Variants in RAI14 observed in about 807,000 individuals in gnomAD.
RAI14 encodes retinoic acid induced 14, also known as ankycorbin.
Under a neutral mutation model 115.4 loss-of-function variants are expected in RAI14, and 45 were observed. That is an observed-to-expected ratio of 0.39 (90% confidence interval 0.31 to 0.50). The LOEUF (loss-of-function observed/expected upper bound fraction) is 0.50, where lower values mean the gene tolerates loss of function less well. Among genes scored for constraint, RAI14 ranks in the 20% least tolerant of loss-of-function variants. The pLI is 0.85. For synonymous variants in RAI14, 371 were observed against 415.4 expected, an observed-to-expected ratio of 0.89 and a Z score of 1.30; for missense variants, 939 against 1,131.2, an observed-to-expected ratio of 0.83 and a Z score of 2.44.
At chr5:34,745,854 A>G (rs1287760998) in intron 2 of RAI14, among the ~76,000 whole-genome samples, 3 of 152,056 alleles carry the variant, frequency 2.0e-5, no homozygotes, top group African/African-American at 7.2e-5. Flanking sequence ...TTGGCCCACC[A>G]CTGACCGGGC....
intron 4 of RAI14, among the ~76,000 whole-genome samples, chr5:34,798,279 T>A (rs1441342880): frequency 2.0e-5 from 3 of 151,874 alleles, no homozygotes; most frequent in Non-Finnish European, 4.4e-5. Flanking sequence ...CCTCAGGTGA[T>A]CCACCCGCCT....
At chr5:34,757,171 C>A in intron 2 of RAI14, 1 of 450,940 alleles carries the variant, frequency 2.2e-6, no homozygotes, top group Non-Finnish European at 4.4e-6. Flanking sequence ...TGTAAACTGG[C>A]CTTGAGGTCT....
chr5:34,746,095 C>CA (rs374767705), intron 2 of RAI14, among the ~76,000 whole-genome samples: 9 of 133,716 alleles, frequency 6.7e-5, no homozygotes, highest in East Asian at 4.2e-4. Context: ...ACCCCCTCCC[C>CA]CCCCCGCCTT....
intron 2 of RAI14, among the ~76,000 whole-genome samples, chr5:34,719,995 A>T (rs183397223): frequency 1.3e-5 from 2 of 151,946 alleles, no homozygotes; most frequent in Admixed American, 6.6e-5. Context: ...CCTAAGATTT[A>T]AAAAAAAATT....
intron 3 of RAI14, among the ~76,000 whole-genome samples, chr5:34,762,929 ATGTGTGTGTGTGTGTGTGTGTG>A (rs34495404): frequency 1.9e-4 from 24 of 129,154 alleles, no homozygotes; most frequent in African/African-American, 6.3e-4. Flanking sequence ...GAGTGTGTGC[ATGTGTGTGTGTGTGTGTGTGTG>A]TGTGTGTGTG....
intron 2 of RAI14, among the ~76,000 whole-genome samples, chr5:34,734,281 C>T (rs1281034808): frequency 1.3e-5 from 2 of 152,210 alleles, no homozygotes; most frequent in African/African-American, 4.8e-5. Context: ...ACGAGCACTG[C>T]TCTTCCCTTG....
intron 2 of RAI14, among the ~76,000 whole-genome samples, chr5:34,707,150 C>T (rs1349769804): frequency 1.3e-5 from 2 of 152,140 alleles, no homozygotes; most frequent in Non-Finnish European, 2.9e-5. Context: ...AGTTAGCCTC[C>T]CTGGGTTTCC....
At chr5:34,746,894 G>A (rs1580115621) in intron 2 of RAI14, among the ~76,000 whole-genome samples, 1 of 152,146 alleles carries the variant, frequency 6.6e-6, no homozygotes, top group Non-Finnish European at 1.5e-5. Context: ...GGTCTTTCCT[G>A]TGCTATTCTC....
chr5:34,816,598 A>G (rs1756247014), intron 12 of RAI14, among the ~76,000 whole-genome samples: 1 of 152,166 alleles, frequency 6.6e-6, no homozygotes, highest in Non-Finnish European at 1.5e-5. Flanking sequence ...AAAATTTATA[A>G]TTGTTAACAT....
chr5:34,826,683 CG>C (rs1757486735), intron 16 of RAI14, among the ~76,000 whole-genome samples: 1 of 152,182 alleles, frequency 6.6e-6, no homozygotes, highest in South Asian at 2.1e-4. Context: ...AGCAATGCAA[CG>C]GGTCAGATAT....
At chr5:34,768,979 A>AC (rs1218390106) in intron 3 of RAI14, among the ~76,000 whole-genome samples, 1 of 150,304 alleles carries the variant, frequency 6.7e-6, no homozygotes, top group Non-Finnish European at 1.5e-5. Context: ...ACAGAGTGAG[A>AC]CCCAGTCTCA....
At chr5:34,765,864 G>A (rs1580181662) in intron 3 of RAI14, among the ~76,000 whole-genome samples, 2 of 152,202 alleles carry the variant, frequency 1.3e-5, no homozygotes, top group African/African-American at 2.4e-5. Flanking sequence ...TTCATGGGCT[G>A]GGCCCATGGT....
intron 2 of RAI14, among the ~76,000 whole-genome samples, chr5:34,712,227 A>G (rs1741484899): frequency 1.3e-5 from 2 of 152,242 alleles, no homozygotes. Flanking sequence ...CGTTTAAGTT[A>G]TAAACATCAC....
intron 2 of RAI14, among the ~76,000 whole-genome samples, chr5:34,725,516 A>T (rs1743333512): frequency 6.6e-6 from 1 of 151,954 alleles, no homozygotes; most frequent in African/African-American, 2.4e-5. Context: ...TGGTAGGCAA[A>T]TACCAGACAG....
chr5:34,701,976 C>A (rs1740131911), intron 2 of RAI14, among the ~76,000 whole-genome samples: 2 of 152,108 alleles, frequency 1.3e-5, no homozygotes, highest in Admixed American at 1.3e-4. Flanking sequence ...CCACGCCCGG[C>A]TAATTTTTTG....
rs575978482 is a variant in RAI14, at chr5:34,832,153, G to A, written c.*1388G>A. 4 of 152,678 alleles carry A rather than the reference G, an allele frequency of 2.6e-5. No homozygotes were observed. The East Asian group carries it at 7.7e-4, about 29-fold the overall frequency. 9.5% of individuals were successfully genotyped at this position (152,678 alleles called of 1,614,324 possible). Reference sequence around the variant, plus strand: ...GACTCTCCAAAGTATTTAACTGAAAGTAGGGCCTGCTCTGACAGGGCCCAT... The same window carrying A: ...GACTCTCCAAAGTATTTAACTGAAAATAGGGCCTGCTCTGACAGGGCCCAT... On this transcript the variant is annotated 3_prime_UTR_variant, in exon 18 of 18. Transcript: ENST00000265109.
chr5:34,683,865 C>G (rs1245593089), intron 1 of RAI14, among the ~76,000 whole-genome samples: 6 of 152,206 alleles, frequency 3.9e-5, no homozygotes, highest in African/African-American at 1.4e-4. Flanking sequence ...GTGGCTGGGA[C>G]TACAGGCGCC....
intron 1 of RAI14, among the ~76,000 whole-genome samples, chr5:34,669,287 C>G (rs1189044153): frequency 6.6e-6 from 1 of 152,240 alleles, no homozygotes; most frequent in Non-Finnish European, 1.5e-5. Flanking sequence ...CTGATTTCCT[C>G]CAGGTGATAC....
chr5:34,797,718 T>C (rs997201210), intron 4 of RAI14, among the ~76,000 whole-genome samples: 5 of 152,188 alleles, frequency 3.3e-5, no homozygotes, highest in African/African-American at 9.7e-5. Context: ...AAGACCCAAT[T>C]ATTGTGTTTG....
Sources: gnomAD v4.1 joint callset for allele counts (sites outside exome capture counted in the v4.1 genomes callset) on GRCh38, gnomAD v4.1.1 for gene constraint, MANE v1.5 for transcripts, NCBI Gene and HGNC (gene_info 2026-07-23, HGNC 2026-07-21) for gene names.